CDH13: variants seen among roughly 807,000 people sequenced by gnomAD.
CDH13 encodes cadherin 13.
A neutral mutation model predicts 63.8 loss-of-function variants in CDH13; 24 were observed. That is an observed-to-expected ratio of 0.38 (90% CI 0.27 to 0.53). CDH13 has a LOEUF of 0.53. Ranked by LOEUF, CDH13 falls within the 20% of genes least tolerant of loss-of-function variation. CDH13 has a pLI of 0.85. For missense variants in CDH13, 1,049 were observed against 903.1 expected (o/e 1.16, Z -2.07); for synonymous variants, 503 against 355.3 (o/e 1.42, Z -4.67).
At chr16:83,232,508 A>G (rs2040027668) in intron 5 of CDH13, among the ~76,000 whole-genome samples, 1 of 151,210 alleles carries the variant, frequency 6.6e-6, no homozygotes, top group African/African-American at 2.5e-5. Context: ...CCTGGGCAAC[A>G]GCAGGACTCT....
chr16:83,230,568 C>T (rs2039973035), intron 5 of CDH13, among the ~76,000 whole-genome samples: 1 of 152,174 alleles, frequency 6.6e-6, no homozygotes, highest in African/African-American at 2.4e-5. Flanking sequence ...GGAAGATCAC[C>T]TGAGGTCAGG....
chr16:83,330,105 G>A (rs983250655), intron 5 of CDH13, among the ~76,000 whole-genome samples: 2 of 152,188 alleles, frequency 1.3e-5, no homozygotes, highest in Non-Finnish European at 2.9e-5. Context: ...GATTCTTGTA[G>A]AAAATGAATT....
chr16:83,149,831 A>T (rs2036899288), intron 4 of CDH13, among the ~76,000 whole-genome samples: 1 of 152,206 alleles, frequency 6.6e-6, no homozygotes, highest in Non-Finnish European at 1.5e-5. Context: ...TGGTAGTTGA[A>T]GTCCACCATG....
chr16:82,934,608 G>A (rs1173186174), intron 2 of CDH13, among the ~76,000 whole-genome samples: 2 of 152,156 alleles, frequency 1.3e-5, no homozygotes, highest in Admixed American at 6.5e-5. Flanking sequence ...GCATTGTCAG[G>A]TTGCAAATTT....
At chr16:83,612,287 C>T (rs1018127213) in intron 8 of CDH13, among the ~76,000 whole-genome samples, 1 of 151,922 alleles carries the variant, frequency 6.6e-6, no homozygotes, top group Non-Finnish European at 1.5e-5. Context: ...ATGCTTTCTG[C>T]TTTAACATTT....
chr16:82,941,789 G>A (rs1040678935), intron 2 of CDH13, among the ~76,000 whole-genome samples: 1 of 152,036 alleles, frequency 6.6e-6, no homozygotes, highest in African/African-American at 2.4e-5. Context: ...CTATCACATG[G>A]CATGATTATT....
Position 82,644,310 on chromosome 16 carries a change from G to T in CDH13, c.45+17173G>T, listed in dbSNP as rs184382990. Reference sequence around the variant, plus strand: ...AGTGCTCATCACTCTGCAAATCAAGGCCCCCCGAACTCCTCCCACCCCTGC... The same window carrying T: ...AGTGCTCATCACTCTGCAAATCAAGTCCCCCCGAACTCCTCCCACCCCTGC... On this transcript the variant is annotated intron_variant, in intron 1 of 13. Coordinates refer to ENST00000567109, the MANE Select transcript of CDH13 (RefSeq NM_001257.5). This position sits in a 1 kb window ranked among gnomAD's most constrained non-coding sequence, Gnocchi z 5.7. Among the ~76,000 whole-genome samples the T allele has an allele frequency of 2.0e-5, 3 of 151,904 alleles. No homozygotes were observed.
chr16:83,705,185 A>G (rs966206281), intron 10 of CDH13, among the ~76,000 whole-genome samples: 1 of 152,210 alleles, frequency 6.6e-6, no homozygotes, highest in Admixed American at 6.5e-5. Flanking sequence ...AACCAAGACA[A>G]TGCTTTACCT....
chr16:83,573,769 C>G (rs1904858783), intron 7 of CDH13, among the ~76,000 whole-genome samples: 1 of 152,164 alleles, frequency 6.6e-6, no homozygotes, highest in South Asian at 2.1e-4. Context: ...GCAAAAAGGC[C>G]AGGCTTGCTT....
At chr16:82,882,951 A>G (rs1056804141) in intron 2 of CDH13, among the ~76,000 whole-genome samples, 5 of 152,198 alleles carry the variant, frequency 3.3e-5, no homozygotes, top group African/African-American at 1.2e-4. Context: ...GGGAGGGTTC[A>G]ATAAATCCTA....
At chr16:83,201,828 T>C (rs2039041206) in intron 4 of CDH13, among the ~76,000 whole-genome samples, 1 of 151,532 alleles carries the variant, frequency 6.6e-6, no homozygotes, top group African/African-American at 2.4e-5. Context: ...GAGACAAGAA[T>C]GGCGTGAACC....
intron 2 of CDH13, among the ~76,000 whole-genome samples, chr16:82,942,949 G>A (rs775817287): frequency 2.6e-5 from 4 of 152,102 alleles, no homozygotes; most frequent in South Asian, 2.1e-4. Context: ...GCTCTACCCC[G>A]TATCCTTGAT....
chr16:83,356,644 AT>A (rs1055913002), intron 6 of CDH13, among the ~76,000 whole-genome samples: 2 of 152,140 alleles, frequency 1.3e-5, no homozygotes, highest in Non-Finnish European at 2.9e-5. Flanking sequence ...ATACAGTAAG[AT>A]TTTTTTAAAG....
At chr16:82,895,859 C>G (rs2041237546) in intron 2 of CDH13, among the ~76,000 whole-genome samples, 2 of 152,160 alleles carry the variant, frequency 1.3e-5, no homozygotes, top group South Asian at 4.1e-4. Flanking sequence ...GTACGTCAAG[C>G]CAGTACACAT....
chr16:83,460,708 G>C (rs1326034238), intron 6 of CDH13, among the ~76,000 whole-genome samples: 2 of 152,096 alleles, frequency 1.3e-5, no homozygotes, highest in South Asian at 2.1e-4. Context: ...TAAAATTGCA[G>C]ATAGCCTGAG....
chr16:83,062,585 A>T (rs1394518354), intron 3 of CDH13, among the ~76,000 whole-genome samples: 2 of 152,196 alleles, frequency 1.3e-5, no homozygotes, highest in Non-Finnish European at 1.5e-5. Flanking sequence ...GGAAGCAAGG[A>T]AGTGATCGTC....
intron 3 of CDH13, among the ~76,000 whole-genome samples, chr16:83,049,248 C>T (rs951935495): frequency 6.6e-6 from 1 of 151,722 alleles, no homozygotes; most frequent in African/African-American, 2.4e-5. Flanking sequence ...TTCCCCAGCT[C>T]CTGGCTTTAT....
chr16:83,151,790 C>T (rs1206971275), intron 4 of CDH13, among the ~76,000 whole-genome samples: 2 of 152,122 alleles, frequency 1.3e-5, no homozygotes, highest in Non-Finnish European at 2.9e-5. Flanking sequence ...CATGGTGAAA[C>T]TGTCTCTCCT....
At chr16:82,787,628 G>T (rs1712353827) in intron 1 of CDH13, among the ~76,000 whole-genome samples, 1 of 152,106 alleles carries the variant, frequency 6.6e-6, no homozygotes, top group African/African-American at 2.4e-5. Context: ...AATTATTATT[G>T]TCCTAAATGG....
Sources: allele counts gnomAD v4.1 joint callset (sites outside exome capture counted in the v4.1 genomes callset), GRCh38; gene constraint gnomAD v4.1.1; non-coding constraint Gnocchi (gnomAD v3.1); transcripts MANE v1.5; gene names NCBI Gene and HGNC (gene_info 2026-07-23, HGNC 2026-07-21).